The following EXOC6 variants were observed in gnomAD, a reference collection of about 807,000 sequenced individuals.
EXOC6 encodes SEC15-like 1.
In EXOC6, 60 loss-of-function variants were observed where a neutral mutation model predicts 112.5. That is an observed-to-expected ratio of 0.53 (90% CI 0.43 to 0.66). The LOEUF (loss-of-function observed/expected upper bound fraction) is 0.66. Among genes scored for constraint, EXOC6 ranks in the 30% least tolerant of loss-of-function variants. The probability of loss-of-function intolerance (pLI) is 0.00; values close to 1 mark genes in which losing one functional copy is unlikely to be tolerated. For missense variants in EXOC6, 855 were observed against 957.1 expected (o/e 0.89, Z 1.41); for synonymous variants, 295 against 308.0 (o/e 0.96, Z 0.44).
chr10:93,019,468 A>T (rs1293053811), intron 20 of EXOC6, among the ~76,000 whole-genome samples: 1 of 152,224 alleles, frequency 6.6e-6, no homozygotes, highest in East Asian at 1.9e-4. Flanking sequence ...TTTAGAAACT[A>T]TCCATAAATA....
At chr10:93,016,909 T>C (rs1479832186) in intron 20 of EXOC6, among the ~76,000 whole-genome samples, 1 of 151,222 alleles carries the variant, frequency 6.6e-6, no homozygotes, top group Non-Finnish European at 1.5e-5. Context: ...GCCTCCTGGG[T>C]TCAAGCAATT....
At chr10:93,037,165 G>A (rs61863085) in intron 20 of EXOC6, among the ~76,000 whole-genome samples, 1 of 141,646 alleles carries the variant, frequency 7.1e-6, no homozygotes. Flanking sequence ...TTTTTTTGGA[G>A]ACAGGGTTTC....
chr10:92,862,949 G>T (rs1462801103), intron 1 of EXOC6, among the ~76,000 whole-genome samples: 1 of 152,160 alleles, frequency 6.6e-6, no homozygotes, highest in Non-Finnish European at 1.5e-5. Context: ...ATTTTGTGAA[G>T]TGTCAATAGT....
chr10:93,050,027 C>T, intron 20 of EXOC6, among the ~76,000 whole-genome samples: 2 of 151,364 alleles, frequency 1.3e-5, no homozygotes, highest in Non-Finnish European at 2.9e-5. Context: ...CTGTATGGTA[C>T]ATCTCAAAGC....
upstream of EXOC6, chr10:92,848,498 C>G: frequency 7.7e-7 from 1 of 1,290,858 alleles, no homozygotes; most frequent in East Asian, 5.4e-5. Context: ...GTTCCCGCGG[C>G]GCCGCGCCTC....
chr10:92,964,112 C>CT (rs1449209572), intron 17 of EXOC6, among the ~76,000 whole-genome samples: 1 of 151,446 alleles, frequency 6.6e-6, no homozygotes, highest in Non-Finnish European at 1.5e-5. Flanking sequence ...ACAAATCCCT[C>CT]TTTTATTTTT....
intron 20 of EXOC6, among the ~76,000 whole-genome samples, chr10:93,036,747 A>C (rs835273): frequency 3.6e-4 from 55 of 152,164 alleles, no homozygotes; most frequent in Non-Finnish European, 6.2e-4. Context: ...GAAAAAATTA[A>C]GTCATTTAAG....
chr10:92,871,943 C>T (rs546891002), intron 1 of EXOC6, among the ~76,000 whole-genome samples: 204 of 150,938 alleles, frequency 1.4e-3, no homozygotes, highest in Non-Finnish European at 2.4e-3. Context: ...ATTGTTTTCC[C>T]CTTTTGTTTG....
intron 20 of EXOC6, among the ~76,000 whole-genome samples, chr10:93,046,351 CAA>C (rs1846000471): frequency 6.6e-6 from 1 of 152,176 alleles, no homozygotes; most frequent in Non-Finnish European, 1.5e-5. Context: ...GGTGGATACA[CAA>C]ACTAACCTCT....
intron 5 of EXOC6, among the ~76,000 whole-genome samples, chr10:92,907,406 C>T (rs183642918): frequency 2.0e-5 from 3 of 152,222 alleles, no homozygotes; most frequent in South Asian, 2.1e-4. Flanking sequence ...CGTATATGGG[C>T]GCTAGGTAAG....
intron 1 of EXOC6, among the ~76,000 whole-genome samples, chr10:92,891,247 T>G (rs943119522): frequency 6.6e-6 from 1 of 152,100 alleles, no homozygotes; most frequent in Non-Finnish European, 1.5e-5. Flanking sequence ...ATTGGAGAGA[T>G]ATATGAGTTT....
At chr10:93,029,777 TA>T in intron 20 of EXOC6, among the ~76,000 whole-genome samples, 2 of 152,366 alleles carry the variant, frequency 1.3e-5, no homozygotes, top group East Asian at 3.9e-4. Context: ...TTTAAGTTTA[TA>T]ATCCATCCAA....
At chr10:92,854,010 A>AG (rs1847477319) in intron 1 of EXOC6, among the ~76,000 whole-genome samples, 1 of 148,624 alleles carries the variant, frequency 6.7e-6, no homozygotes. Context: ...CCTGTCTCAA[A>AG]AAAAAAAAAA....
chr10:92,969,429 C>T (rs1037964754), intron 17 of EXOC6, among the ~76,000 whole-genome samples: 1 of 152,140 alleles, frequency 6.6e-6, no homozygotes, highest in African/African-American at 2.4e-5. Context: ...TCCACTGTTT[C>T]CTGACCCATA....
intron 12 of EXOC6, among the ~76,000 whole-genome samples, chr10:92,936,583 A>G (rs896093461): frequency 6.6e-6 from 1 of 152,216 alleles, no homozygotes; most frequent in Non-Finnish European, 1.5e-5. Context: ...ACAGAGCGAG[A>G]CTCCATCTCA....
intron 13 of EXOC6, 58 bp downstream of exon 13, chr10:92,940,882 G>T: frequency 9.2e-7 from 1 of 1,087,414 alleles, no homozygotes; most frequent in Non-Finnish European, 1.4e-6. Context: ...TGCTCAAGTG[G>T]TTCATTTGCA....
rs567510629 is a variant in EXOC6 at position 92,981,933 on chromosome 10, T to C, written c.1953+7701T>C. On this transcript the variant is annotated intron_variant, in intron 18 of 21. Transcript: ENST00000260762. The stretch of plus-strand genomic sequence containing the variant: ...GAGTTCGAGACCAGCCTGACCAACA[T>C]GGTGAAACTCCGTCTGTACTAAAAA... Among the ~76,000 whole-genome samples, 11 of 152,222 alleles carry C rather than the reference T, an allele frequency of 7.2e-5. No homozygotes were observed. The South Asian group carries it at 2.1e-3, about 29-fold the overall frequency.
chr10:92,870,224 G>T (rs1848383120), intron 1 of EXOC6, among the ~76,000 whole-genome samples: 3 of 152,198 alleles, frequency 2.0e-5, no homozygotes, highest in South Asian at 2.1e-4. Context: ...AAAGTGCTGG[G>T]ATTATAGGCA....
At position 92,942,522 on chromosome 10, in the gene EXOC6, C is replaced by T. The variant is rs530794758; in HGVS notation, c.1310+1698C>T. ...AGGAGTGATATTATCAGGATGCTAT[C>T]CCAGATGGATAATTGACAGTCCTGA... On this transcript the variant is annotated intron_variant, in intron 13 of 21. Transcript: ENST00000260762. Among the ~76,000 whole-genome samples the T allele has an allele frequency of 1.1e-4, 17 of 152,142 alleles. No individual in the cohort carries two copies. In the South Asian group the frequency reaches 3.5e-3, roughly 32 times the overall value.
Sources: gnomAD v4.1 joint callset for allele counts (sites outside exome capture counted in the v4.1 genomes callset) on GRCh38, gnomAD v4.1.1 for gene constraint, MANE v1.5 for transcripts, NCBI Gene and HGNC (gene_info 2026-07-23, HGNC 2026-07-21) for gene names.